The following FOXP1 variants were observed in gnomAD, a reference collection of about 807,000 sequenced individuals.
The protein encoded by FOXP1 is forkhead box P1.
Under a neutral mutation model 98.2 loss-of-function variants are expected in FOXP1, and 15 were observed. The ratio of observed to expected loss-of-function variants is 0.15; its 90% confidence interval spans 0.10 to 0.24. FOXP1 has a LOEUF of 0.24. Ranked by LOEUF, FOXP1 falls within the 10% of genes least tolerant of loss-of-function variation. FOXP1 has a pLI of 1.00. For synonymous variants in FOXP1, 371 were observed against 314.5 expected, an observed-to-expected ratio of 1.18 and a Z score of -1.90; for missense variants, 633 against 848.5, an observed-to-expected ratio of 0.75 and a Z score of 3.15.
At chr3:71,097,399 C>T (rs1379773180) in intron 7 of FOXP1, among the ~76,000 whole-genome samples, 9 of 152,140 alleles carry the variant, frequency 5.9e-5, no homozygotes, top group Admixed American at 4.6e-4. Flanking sequence ...GCCACAGAGA[C>T]AGTATGGCCC....
intron 5 of FOXP1, among the ~76,000 whole-genome samples, chr3:71,215,854 C>A (rs1310751783): frequency 6.6e-6 from 1 of 152,148 alleles, no homozygotes; most frequent in Admixed American, 6.5e-5. Flanking sequence ...ATACTGCAAG[C>A]CAGCCCTGTT....
intron 13 of FOXP1, among the ~76,000 whole-genome samples, chr3:70,999,197 C>A (rs112718256): frequency 1.4e-3 from 211 of 152,250 alleles, no homozygotes; most frequent in African/African-American, 4.9e-3. Flanking sequence ...TCAAGCAATT[C>A]TTTTGCCTCA....
intron 5 of FOXP1, among the ~76,000 whole-genome samples, chr3:71,272,558 C>T (rs1003503171): frequency 4.0e-5 from 6 of 151,794 alleles, no homozygotes; most frequent in South Asian, 2.1e-4. Flanking sequence ...CCCCCCACCC[C>T]GGGTATCTGA....
At chr3:71,289,333 C>A (rs945301323) in intron 5 of FOXP1, among the ~76,000 whole-genome samples, 2 of 151,876 alleles carry the variant, frequency 1.3e-5, no homozygotes, top group East Asian at 2.0e-4. Flanking sequence ...GCCACTGTGC[C>A]CAGCCTAATT....
At chr3:71,550,508 T>A (rs1213735749) in intron 2 of FOXP1, among the ~76,000 whole-genome samples, 2 of 152,234 alleles carry the variant, frequency 1.3e-5, no homozygotes, top group Non-Finnish European at 2.9e-5. Context: ...TATTTAGTTA[T>A]CTATTGAATA....
At chr3:71,495,697 G>A (rs2091359894) in intron 2 of FOXP1, among the ~76,000 whole-genome samples, 2 of 152,272 alleles carry the variant, frequency 1.3e-5, no homozygotes, top group South Asian at 2.1e-4. Context: ...GGGAGTTTTA[G>A]CAGCCTGACT....
intron 3 of FOXP1, among the ~76,000 whole-genome samples, chr3:71,395,708 C>T (rs937966340): frequency 4.6e-5 from 7 of 152,208 alleles, no homozygotes; most frequent in South Asian, 4.2e-4. Context: ...ATTCCCAGTA[C>T]GTACAACACT....
chr3:71,464,944 CTG>C (rs1171997044), intron 3 of FOXP1, among the ~76,000 whole-genome samples: 2 of 152,196 alleles, frequency 1.3e-5, no homozygotes. Context: ...AAAATGGAGA[CTG>C]TAGCACCTGC....
At chr3:71,416,595 C>CA (rs1411335050) in intron 3 of FOXP1, among the ~76,000 whole-genome samples, 14 of 136,016 alleles carry the variant, frequency 1.0e-4, no homozygotes, top group Middle Eastern at 3.7e-3. Context: ...CACACACACG[C>CA]AAAAAAAAAT....
At chr3:71,372,228 G>A (rs2079388400) in intron 3 of FOXP1, among the ~76,000 whole-genome samples, 1 of 147,038 alleles carries the variant, frequency 6.8e-6, no homozygotes, top group Admixed American at 6.9e-5. Context: ...TGCCTTGTTA[G>A]TCAAGGTGGT....
At chr3:71,064,847 AGGCGCGCGGAGCCGGGCTCGG>A in intron 7 of FOXP1, 1 of 982,588 alleles carries the variant, frequency 1.0e-6, no homozygotes, top group Non-Finnish European at 1.2e-6. Context: ...TGTAGCCGCC[AGGCGCGCGGAGCCGGGCTCGG>A]GGCGCCCGCG....
chr3:71,130,955 T>G, intron 6 of FOXP1: 1 of 1,213,274 alleles, frequency 8.2e-7, no homozygotes, highest in East Asian at 3.4e-5. Flanking sequence ...CAAACACAGC[T>G]CATTCACGCA....
At chr3:71,368,150 A>G (rs1346187086) in intron 3 of FOXP1, among the ~76,000 whole-genome samples, 2 of 151,972 alleles carry the variant, frequency 1.3e-5, no homozygotes, top group African/African-American at 4.8e-5. Flanking sequence ...TTTTAGATGG[A>G]GTTTCACTCG....
chr3:71,363,683 A>G (rs944977010), intron 3 of FOXP1, among the ~76,000 whole-genome samples: 1 of 152,184 alleles, frequency 6.6e-6, no homozygotes, highest in African/African-American at 2.4e-5. Flanking sequence ...AATACAAGAA[A>G]ATGCGGTCAG....
At chr3:71,269,128 G>T (rs2070074068) in intron 5 of FOXP1, among the ~76,000 whole-genome samples, 3 of 144,624 alleles carry the variant, frequency 2.1e-5, no homozygotes, top group South Asian at 2.2e-4. Context: ...AATGGCACAT[G>T]ATGATGCACA....
intron 1 of FOXP1, chr3:71,582,761 G>A (rs1282556125): frequency 1.0e-6 from 1 of 985,300 alleles, no homozygotes; most frequent in Non-Finnish European, 1.2e-6. Flanking sequence ...AGCGCGCGTA[G>A]GGGTGCGTGT....
chr3:71,460,160 T>G (rs1247978733), intron 3 of FOXP1, among the ~76,000 whole-genome samples: 1 of 152,024 alleles, frequency 6.6e-6, no homozygotes, highest in Non-Finnish European at 1.5e-5. Context: ...GGTCTCAATC[T>G]CCTGACCTCG....
At chr3:71,250,605 C>G (rs551947163) in intron 5 of FOXP1, among the ~76,000 whole-genome samples, 3 of 152,298 alleles carry the variant, frequency 2.0e-5, no homozygotes, top group Admixed American at 2.0e-4. Context: ...GTATTTTCTT[C>G]TCAACGGAAA....
intron 2 of FOXP1, among the ~76,000 whole-genome samples, chr3:71,577,571 C>T (rs2047821634): frequency 6.6e-6 from 1 of 152,124 alleles, no homozygotes; most frequent in African/African-American, 2.4e-5. Context: ...ATCCTTAATT[C>T]ATCCAAGTAC....
Sources: allele counts gnomAD v4.1 joint callset (sites outside exome capture counted in the v4.1 genomes callset), GRCh38; gene constraint gnomAD v4.1.1; transcripts MANE v1.5; gene names NCBI Gene and HGNC (gene_info 2026-07-23, HGNC 2026-07-21).